The following NLGN1 variants were observed in gnomAD, a reference collection of about 807,000 sequenced individuals.
The protein encoded by NLGN1 is neuroligin 1, also known as neuroligin-1.
NLGN1 carries 12 observed loss-of-function variants against 65.5 expected under a neutral mutation model. The ratio of observed to expected loss-of-function variants is 0.18; its 90% CI spans 0.12 to 0.30. The LOEUF is 0.30. Ranked by LOEUF, NLGN1 falls within the 10% of genes least tolerant of loss-of-function variation. NLGN1 has a pLI of 1.00. For synonymous variants in NLGN1, 350 were observed against 359.5 expected, an observed-to-expected ratio of 0.97 and a Z score of 0.30; for missense variants, 750 against 1,007.1, an observed-to-expected ratio of 0.74 and a Z score of 3.46.
intron 3 of NLGN1, among the ~76,000 whole-genome samples, chr3:173,790,719 T>C (rs991237335): frequency 5.3e-5 from 8 of 152,040 alleles, no homozygotes; most frequent in Non-Finnish European, 1.0e-4. Context: ...ATTAAGGATT[T>C]AGTTTGAGTT....
At chr3:173,614,980 C>G (rs776448465) in intron 3 of NLGN1, among the ~76,000 whole-genome samples, 1 of 151,956 alleles carries the variant, frequency 6.6e-6, no homozygotes, top group Non-Finnish European at 1.5e-5. Flanking sequence ...AAAATGGCCG[C>G]TTAAATGATT....
At chr3:173,611,132 C>A (rs1752220949) in intron 3 of NLGN1, among the ~76,000 whole-genome samples, 1 of 151,924 alleles carries the variant, frequency 6.6e-6, no homozygotes, top group Non-Finnish European at 1.5e-5. Flanking sequence ...TGGGGTTCTG[C>A]TGTTATCTGA....
exon 7 of NLGN1, chr3:174,283,765 A>C (rs1310038625): frequency 6.6e-6 from 1 of 151,474 alleles, no homozygotes; most frequent in Admixed American, 6.6e-5. Context: ...ATCTACATAC[A>C]GCTTTTGACT....
At chr3:174,058,292 T>C (rs1313002202) in intron 4 of NLGN1, among the ~76,000 whole-genome samples, 1 of 152,142 alleles carries the variant, frequency 6.6e-6, no homozygotes, top group Non-Finnish European at 1.5e-5. Flanking sequence ...TTGTACATTG[T>C]TTTGACACAT....
In NLGN1 at chr3:174,139,170, G is replaced by A. The variant is rs537714215; in HGVS notation, c.647-136145G>A. ...TTAGGGTTCATTCTCGGTGTTGTAC[G>A]TTCTGTGGGTTTGGACAAATATATA... On this transcript the variant is annotated intron_variant, in intron 4 of 6. Coordinates refer to ENST00000457714, the Ensembl canonical transcript of NLGN1. Among the ~76,000 whole-genome samples, 14 of 152,072 alleles carry A rather than the reference G, an allele frequency of 9.2e-5. No individual in the cohort carries two copies. The South Asian group carries it at 1.5e-3, about 16-fold the overall frequency.
intron 3 of NLGN1, among the ~76,000 whole-genome samples, chr3:173,629,224 C>T (rs1755292445): frequency 6.6e-6 from 1 of 151,816 alleles, no homozygotes; most frequent in South Asian, 2.1e-4. Context: ...GTGCATAGAT[C>T]ATATTCCCAG....
intron 2 of NLGN1, among the ~76,000 whole-genome samples, chr3:173,497,729 T>C (rs1344931959): frequency 2.6e-5 from 4 of 151,532 alleles, no homozygotes; most frequent in Non-Finnish European, 5.9e-5. Flanking sequence ...AATTCAGTCA[T>C]AAGAATGAAC....
chr3:173,527,047 C>T (rs557220894), intron 2 of NLGN1, among the ~76,000 whole-genome samples: 5 of 152,296 alleles, frequency 3.3e-5, no homozygotes, highest in African/African-American at 9.6e-5. Flanking sequence ...AATAGTGCTG[C>T]AATAAACATG....
chr3:173,976,260 G>A (rs762239426), intron 4 of NLGN1, among the ~76,000 whole-genome samples: 7 of 151,968 alleles, frequency 4.6e-5, no homozygotes, highest in Non-Finnish European at 7.4e-5. Context: ...TTAAGTATTG[G>A]CTATAGGATA....
intron 2 of NLGN1, among the ~76,000 whole-genome samples, chr3:173,540,293 C>T (rs1700573039): frequency 6.6e-6 from 1 of 152,184 alleles, no homozygotes; most frequent in African/African-American, 2.4e-5. Context: ...GAGCAGCTTG[C>T]ACAGCTGCCT....
At chr3:173,979,172 G>T (rs1431450789) in intron 4 of NLGN1, among the ~76,000 whole-genome samples, 1 of 152,012 alleles carries the variant, frequency 6.6e-6, no homozygotes, top group African/African-American at 2.4e-5. Context: ...AGTGAATGGG[G>T]AAGCAAGAAC....
At chr3:173,467,962 G>A (rs1197427954) in intron 2 of NLGN1, among the ~76,000 whole-genome samples, 1 of 152,078 alleles carries the variant, frequency 6.6e-6, no homozygotes, top group African/African-American at 2.4e-5. Context: ...ATACAAAGAT[G>A]CACCTGTGAT....
intron 3 of NLGN1, among the ~76,000 whole-genome samples, chr3:173,794,973 T>C (rs909385433): frequency 6.6e-6 from 1 of 152,160 alleles, no homozygotes; most frequent in Non-Finnish European, 1.5e-5. Flanking sequence ...TTCTCCTTTT[T>C]TTGTGTGTGT....
intron 3 of NLGN1, among the ~76,000 whole-genome samples, 161 bp downstream of exon 3, chr3:173,605,754 G>A (rs1457183914): frequency 6.6e-5 from 10 of 152,046 alleles, no homozygotes; most frequent in Non-Finnish European, 1.5e-4. Flanking sequence ...TTTAAGGAGA[G>A]CTCTAGCTGA....
At chr3:173,810,957 A>C (rs1717792968) in intron 4 of NLGN1, among the ~76,000 whole-genome samples, 1 of 152,214 alleles carries the variant, frequency 6.6e-6, no homozygotes, top group African/African-American at 2.4e-5. Context: ...ACTGCCAATA[A>C]GATTGACAAA....
chr3:174,070,315 C>T (rs1057385101), intron 4 of NLGN1, among the ~76,000 whole-genome samples: 6 of 151,072 alleles, frequency 4.0e-5, no homozygotes, highest in African/African-American at 1.5e-4. Flanking sequence ...TAACATATAC[C>T]TCACTATCTC....
chr3:173,865,569 G>T (rs1391680096), intron 4 of NLGN1, among the ~76,000 whole-genome samples: 1 of 152,026 alleles, frequency 6.6e-6, no homozygotes. Context: ...TTGCAGCACT[G>T]ATAGATTTTT....
At chr3:174,284,029 C>T (rs2152898363) in exon 7 of NLGN1, 1 of 151,346 alleles carries the variant, frequency 6.6e-6, no homozygotes, top group Non-Finnish European at 1.5e-5. Context: ...ATCTACCTAC[C>T]AATCTATTGC....
rs9844700 is a variant in NLGN1 at position 173,474,462 on chromosome 3, T to C, written c.-321+39384T>C. On this transcript the variant is annotated intron_variant, in intron 2 of 6. Coordinates refer to ENST00000457714, the Ensembl canonical transcript of NLGN1. ...TATATGTGTGTGTGTGTATACAAAC[T>C]ATATATTCTCATATGCAAATATGCA... Among the ~76,000 whole-genome samples the C allele has an allele frequency of 8.6e-3, 1,303 of 152,276 alleles. 22 individuals are homozygous for C. Among genetic ancestry groups the C allele is most frequent in the African/African-American group, 0.03 (1,254 of 41,556 alleles).
Sources: allele counts gnomAD v4.1 joint callset (sites outside exome capture counted in the v4.1 genomes callset), GRCh38; gene constraint gnomAD v4.1.1; transcripts MANE v1.5; gene names NCBI Gene and HGNC (gene_info 2026-07-23, HGNC 2026-07-21).